Variants in CAMKMT observed in about 807,000 individuals in gnomAD.
CAMKMT encodes the protein calmodulin-lysine N-methyltransferase.
Under a neutral mutation model 48.0 loss-of-function variants are expected in CAMKMT, and 53 were observed. That is an observed-to-expected ratio of 1.10 (90% confidence interval 0.89 to 1.39). The LOEUF is 1.39. Ranked by LOEUF, CAMKMT falls within the 40% of genes most tolerant of loss-of-function variation. The pLI is 0.00. For missense variants in CAMKMT, 428 were observed against 402.7 expected (o/e 1.06, Z -0.54); for synonymous variants, 165 against 152.3 (o/e 1.08, Z -0.61).
intron 3 of CAMKMT, among the ~76,000 whole-genome samples, chr2:44,560,794 A>G (rs1171652770): frequency 2.0e-5 from 3 of 152,172 alleles, no homozygotes; most frequent in Non-Finnish European, 4.4e-5. Flanking sequence ...GATGTCTCAA[A>G]GTTACTAATA....
At chr2:44,622,710 G>A (rs562237748) in intron 3 of CAMKMT, among the ~76,000 whole-genome samples, 2 of 152,290 alleles carry the variant, frequency 1.3e-5, no homozygotes, top group East Asian at 3.9e-4. Context: ...TGGTATATAT[G>A]TAACATATTT....
chr2:44,695,730 A>C (rs1676906288), intron 3 of CAMKMT, among the ~76,000 whole-genome samples: 1 of 152,118 alleles, frequency 6.6e-6, no homozygotes, highest in African/African-American at 2.4e-5. Context: ...CTGGAAGGCA[A>C]ATGCATTGAC....
intron 3 of CAMKMT, among the ~76,000 whole-genome samples, chr2:44,591,636 A>G (rs1021707495): frequency 1.3e-5 from 2 of 151,976 alleles, no homozygotes; most frequent in African/African-American, 2.4e-5. Context: ...TAGTTCAACC[A>G]TTGTGGAAGT....
At chr2:44,623,557 C>T (rs185720688) in intron 3 of CAMKMT, among the ~76,000 whole-genome samples, 9 of 152,050 alleles carry the variant, frequency 5.9e-5, no homozygotes, top group African/African-American at 2.2e-4. Context: ...TAGCCTGTTA[C>T]CCCAGCACCA....
intron 3 of CAMKMT, among the ~76,000 whole-genome samples, chr2:44,639,513 G>T (rs1472679243): frequency 6.6e-6 from 1 of 152,156 alleles, no homozygotes; most frequent in African/African-American, 2.4e-5. Flanking sequence ...GATAATTATG[G>T]TACCTACTTC....
intron 8 of CAMKMT, among the ~76,000 whole-genome samples, chr2:44,751,206 AC>A (rs1680141559): frequency 6.6e-6 from 1 of 152,130 alleles, no homozygotes; most frequent in African/African-American, 2.4e-5. Flanking sequence ...TTCTCGACCA[AC>A]CCCGCCTAAC....
At chr2:44,705,878 A>G (rs1677525676) in intron 4 of CAMKMT, among the ~76,000 whole-genome samples, 1 of 152,166 alleles carries the variant, frequency 6.6e-6, no homozygotes, top group Non-Finnish European at 1.5e-5. Context: ...ACACTCATAT[A>G]TATTCTTCAT....
At chr2:44,525,940 G>A (rs1671382268) in intron 3 of CAMKMT, among the ~76,000 whole-genome samples, 1 of 151,898 alleles carries the variant, frequency 6.6e-6, no homozygotes, top group Non-Finnish European at 1.5e-5. Flanking sequence ...CATGTGCCAT[G>A]CTGGTGTGCT....
At chr2:44,372,669 C>A in intron 1 of CAMKMT, 47 bp from the exon 2 acceptor site, 5 of 1,546,362 alleles carry the variant, frequency 3.2e-6, no homozygotes, top group Non-Finnish European at 3.5e-6. Context: ...ACTAAACTTA[C>A]TATATGTTTA....
chr2:44,724,109 G>C (rs575457021), intron 7 of CAMKMT, among the ~76,000 whole-genome samples: 1 of 152,140 alleles, frequency 6.6e-6, no homozygotes, highest in Admixed American at 6.5e-5. Context: ...TAGGCCTGTG[G>C]CTAAAGAATG....
chr2:44,515,292 G>A (rs1277148370), intron 3 of CAMKMT, among the ~76,000 whole-genome samples: 1 of 152,174 alleles, frequency 6.6e-6, no homozygotes, highest in East Asian at 1.9e-4. Flanking sequence ...CACTAGTAGA[G>A]GCTTTTCAGT....
chr2:44,704,035 C>T (rs924760043), intron 3 of CAMKMT, among the ~76,000 whole-genome samples: 1 of 152,060 alleles, frequency 6.6e-6, no homozygotes, highest in African/African-American at 2.4e-5. Context: ...ACTGTTTTGG[C>T]TATCTTGTGA....
intron 3 of CAMKMT, among the ~76,000 whole-genome samples, chr2:44,523,695 G>A (rs527829047): frequency 6.6e-6 from 1 of 151,100 alleles, no homozygotes; most frequent in South Asian, 2.1e-4. Flanking sequence ...TAGAGTACCT[G>A]TATATGACCT....
chr2:44,528,644 C>G (rs1666302044), intron 3 of CAMKMT, among the ~76,000 whole-genome samples: 1 of 152,148 alleles, frequency 6.6e-6, no homozygotes. Flanking sequence ...GTTTGAATCA[C>G]ATCCAAACAG....
rs1311023700 is a variant in CAMKMT at position 44,366,725 on chromosome 2, T to TTATTATTAC, written c.138+4588_138+4589insCTATTATTA. Among the ~76,000 whole-genome samples the TTATTATTAC allele has an allele frequency of 6.6e-5, 10 of 151,862 alleles. No homozygotes were observed. In the South Asian group the frequency reaches 8.4e-4, roughly 13 times the overall value. On this transcript the variant is annotated intron_variant, in intron 1 of 10. Transcript: ENST00000378494. ...AAATAAATAGCAGCTATTGTTATTA[T>TTATTATTAC]TATTATTATTATTTGAGACAAAGTC...
intron 3 of CAMKMT, among the ~76,000 whole-genome samples, chr2:44,563,417 A>C (rs1668434398): frequency 6.6e-6 from 1 of 151,818 alleles, no homozygotes; most frequent in Non-Finnish European, 1.5e-5. Context: ...CTCCTGACAC[A>C]GTAAAACAGT....
intron 3 of CAMKMT, among the ~76,000 whole-genome samples, chr2:44,432,670 G>T (rs1684720052): frequency 6.6e-6 from 1 of 152,092 alleles, no homozygotes; most frequent in Non-Finnish European, 1.5e-5. Context: ...TGATACTTCA[G>T]ATAGAGGCAG....
At chr2:44,599,482 T>C (rs1170680834) in intron 3 of CAMKMT, among the ~76,000 whole-genome samples, 2 of 152,154 alleles carry the variant, frequency 1.3e-5, no homozygotes, top group Non-Finnish European at 2.9e-5. Flanking sequence ...ATCGTTTTCC[T>C]TTAGAGCCCA....
intron 3 of CAMKMT, among the ~76,000 whole-genome samples, chr2:44,543,482 G>A (rs1667239498): frequency 6.6e-6 from 1 of 152,080 alleles, no homozygotes; most frequent in Non-Finnish European, 1.5e-5. Context: ...GGAAGAATGA[G>A]CCCCCAGGAT....
Sources: gnomAD v4.1 joint callset for allele counts (sites outside exome capture counted in the v4.1 genomes callset) on GRCh38, gnomAD v4.1.1 for gene constraint, MANE v1.5 for transcripts, NCBI Gene and HGNC (gene_info 2026-07-23, HGNC 2026-07-21) for gene names.